The following GRID2 variants were observed in gnomAD, a reference collection of about 807,000 sequenced individuals.
GRID2 encodes the protein glutamate receptor ionotropic, delta-2.
GRID2 carries 33 observed loss-of-function variants against 114.8 expected under a neutral mutation model. The observed-to-expected ratio is 0.29, with a 90% CI of 0.22 to 0.38. The LOEUF is 0.38. Ranked by LOEUF, GRID2 falls within the 10% of genes least tolerant of loss-of-function variation. The probability of loss-of-function intolerance (pLI) is 1.00; values close to 1 mark genes in which losing one functional copy is unlikely to be tolerated. For missense variants in GRID2, 1,184 were observed against 1,257.7 expected, an observed-to-expected ratio of 0.94 and a Z score of 0.89; for synonymous variants, 505 against 449.9, an observed-to-expected ratio of 1.12 and a Z score of -1.55.
chr4:93,086,245 A>G (rs556001386), intron 3 of GRID2, among the ~76,000 whole-genome samples: 2 of 152,302 alleles, frequency 1.3e-5, no homozygotes, highest in East Asian at 3.9e-4. Flanking sequence ...TTTTCTGAAA[A>G]GAAAGTCAGA....
chr4:92,608,742 C>T (rs1486561578), intron 2 of GRID2, among the ~76,000 whole-genome samples: 1 of 151,594 alleles, frequency 6.6e-6, no homozygotes. Context: ...CTATTTTTTT[C>T]ATTAAGTGAG....
chr4:92,815,548 C>G (rs1030158051), intron 2 of GRID2, among the ~76,000 whole-genome samples: 8 of 151,988 alleles, frequency 5.3e-5, no homozygotes, highest in African/African-American at 1.9e-4. Context: ...TAGTTTCCAT[C>G]TTTGAATGTT....
chr4:93,621,131 T>G (rs1462192391), intron 13 of GRID2, among the ~76,000 whole-genome samples: 3 of 152,142 alleles, frequency 2.0e-5, no homozygotes, highest in African/African-American at 7.2e-5. Context: ...TTAGTAAAAT[T>G]GAATTTAAAC....
chr4:92,899,926 C>T (rs886191374), intron 2 of GRID2, among the ~76,000 whole-genome samples: 2 of 152,060 alleles, frequency 1.3e-5, no homozygotes, highest in African/African-American at 4.8e-5. Context: ...GTAATTAGTC[C>T]TAGCCCTCGT....
intron 2 of GRID2, among the ~76,000 whole-genome samples, chr4:92,919,969 A>G (rs1749168562): frequency 6.6e-6 from 1 of 152,130 alleles, no homozygotes; most frequent in Admixed American, 6.6e-5. Flanking sequence ...TTCCGTTATT[A>G]TTGTGTGGGA....
At chr4:92,961,697 T>A (rs1560748458) in intron 2 of GRID2, among the ~76,000 whole-genome samples, 2 of 151,686 alleles carry the variant, frequency 1.3e-5, no homozygotes, top group Non-Finnish European at 2.9e-5. Context: ...TCCTGAATCT[T>A]TGGTTTGGTG....
intron 13 of GRID2, among the ~76,000 whole-genome samples, chr4:93,518,283 C>A (rs80002693): frequency 6.6e-6 from 1 of 151,688 alleles, no homozygotes; most frequent in Non-Finnish European, 1.5e-5. Flanking sequence ...CATCTTGTTT[C>A]GGCTTGTACC....
chr4:92,714,184 C>T (rs912481649), intron 2 of GRID2, among the ~76,000 whole-genome samples: 1 of 152,164 alleles, frequency 6.6e-6, no homozygotes, highest in Non-Finnish European at 1.5e-5. Context: ...GGGCTAGAGG[C>T]CCCATGTACG....
intron 9 of GRID2, among the ~76,000 whole-genome samples, chr4:93,401,493 T>C (rs1174671577): frequency 6.6e-6 from 1 of 152,086 alleles, no homozygotes; most frequent in African/African-American, 2.4e-5. Context: ...AAATAATGTA[T>C]GGTATTTTTA....
At chr4:93,206,381 T>G (rs909332561) in intron 4 of GRID2, among the ~76,000 whole-genome samples, 8 of 152,100 alleles carry the variant, frequency 5.3e-5, no homozygotes, top group Non-Finnish European at 1.2e-4. Flanking sequence ...GCAATTCACC[T>G]TCTATAACAA....
intron 14 of GRID2, among the ~76,000 whole-genome samples, chr4:93,659,941 T>C (rs1379938483): frequency 6.6e-6 from 1 of 152,178 alleles, no homozygotes; most frequent in Non-Finnish European, 1.5e-5. Context: ...AAAAAATTGC[T>C]TTCACATGAC....
intron 2 of GRID2, among the ~76,000 whole-genome samples, chr4:92,993,712 A>C (rs1409163870): frequency 6.6e-6 from 1 of 152,160 alleles, no homozygotes; most frequent in Non-Finnish European, 1.5e-5. Flanking sequence ...AATTTGGACA[A>C]CCTCAAAGAC....
chr4:92,691,801 A>G (rs1579852602), intron 2 of GRID2, among the ~76,000 whole-genome samples: 1 of 152,134 alleles, frequency 6.6e-6, no homozygotes, highest in African/African-American at 2.4e-5. Flanking sequence ...TATTGCTATA[A>G]AAGTATCACT....
intron 2 of GRID2, among the ~76,000 whole-genome samples, chr4:92,676,785 T>G (rs1733395953): frequency 6.6e-6 from 1 of 152,004 alleles, no homozygotes; most frequent in Admixed American, 6.6e-5. Context: ...ACAGCCAAAA[T>G]AAGTGAAATC....
At chr4:93,135,820 A>G (rs961841638) in intron 4 of GRID2, among the ~76,000 whole-genome samples, 2 of 152,210 alleles carry the variant, frequency 1.3e-5, no homozygotes, top group African/African-American at 4.8e-5. Flanking sequence ...TTCAGAAAGA[A>G]GTCATGATGG....
chr4:93,385,555 G>A (rs935998095), intron 8 of GRID2, among the ~76,000 whole-genome samples: 6 of 152,124 alleles, frequency 3.9e-5, no homozygotes, highest in African/African-American at 7.2e-5. Flanking sequence ...CTTGCCATAC[G>A]TCAGTGAATA....
chr4:92,451,550 G>A (rs1455526598), intron 1 of GRID2, among the ~76,000 whole-genome samples: 1 of 152,058 alleles, frequency 6.6e-6, no homozygotes, highest in African/African-American at 2.4e-5. Context: ...AATGTGCTCA[G>A]GGTAGAAGTA....
chr4:92,909,612 A>G (rs955405680), intron 2 of GRID2, among the ~76,000 whole-genome samples: 3 of 152,160 alleles, frequency 2.0e-5, no homozygotes, highest in Non-Finnish European at 4.4e-5. Context: ...GGTCACCATC[A>G]TGTACCATTT....
intron 2 of GRID2, among the ~76,000 whole-genome samples, chr4:92,920,445 A>G (rs1030631747): frequency 1.4e-4 from 22 of 152,144 alleles, no homozygotes; most frequent in Non-Finnish European, 2.9e-4. Context: ...CCTAGCCTCA[A>G]TGGTCTTTAC....
Sources: gnomAD v4.1 joint callset for allele counts (sites outside exome capture counted in the v4.1 genomes callset) on GRCh38, gnomAD v4.1.1 for gene constraint, MANE v1.5 for transcripts, NCBI Gene and HGNC (gene_info 2026-07-23, HGNC 2026-07-21) for gene names.